The following MELK variants were observed in gnomAD, a reference collection of about 807,000 sequenced individuals.
MELK encodes the protein maternal embryonic leucine zipper kinase, also known as pEg3 kinase.
A neutral mutation model predicts 85.0 loss-of-function variants in MELK; 81 were observed. The observed-to-expected ratio is 0.95, with a 90% CI of 0.80 to 1.15. MELK has a LOEUF of 1.15. MELK is among the 50% of genes most tolerant of loss of function. The pLI is 0.00. For synonymous variants in MELK, 252 were observed against 265.0 expected (o/e 0.95, Z 0.48); for missense variants, 754 against 777.5 (o/e 0.97, Z 0.36).
intron 15 of MELK, 63 bp downstream of exon 15, chr9:36,669,469 G>T (rs1280473522): frequency 8.7e-7 from 1 of 1,155,468 alleles, no homozygotes; most frequent in Non-Finnish European, 1.2e-6. Flanking sequence ...CCTTTTTCAT[G>T]TATTAATAGA....
intron 3 of MELK, among the ~76,000 whole-genome samples, chr9:36,585,945 T>C (rs1180062322): frequency 6.6e-6 from 1 of 151,218 alleles, no homozygotes; most frequent in African/African-American, 2.4e-5. Context: ...CTAAAAAAAG[T>C]TTTTTTTTGA....
chr9:36,644,105 C>T (rs1422682862), intron 11 of MELK, among the ~76,000 whole-genome samples: 1 of 152,120 alleles, frequency 6.6e-6, no homozygotes. Context: ...CGTCACGTCA[C>T]CCCTAAGTGG....
chr9:36,581,035 G>A (rs1822186226), intron 1 of MELK, among the ~76,000 whole-genome samples: 1 of 152,060 alleles, frequency 6.6e-6, no homozygotes. Context: ...GCTGAGAAAA[G>A]TTTTTTGTAT....
Position 36,665,560 on chromosome 9 carries a change from C to T in MELK, c.1387C>T (p.Arg463Cys), listed in dbSNP as rs554033223. The change falls in exon 14 of 18, where the codon CGT (arginine) becomes TGT (cysteine). Residue 463 changes from arginine to cysteine, a missense_variant. Physicochemically the swap from Arg to Cys is radical, Grantham distance 180. Coordinates refer to ENST00000298048, the MANE Select transcript of MELK (RefSeq NM_014791.4). ...GAGAGAAATACTCACTACGCCAAAT[C>T]GTTACACTACACCCTCAAAAGGTAT... ...HKREILTTPN[R>C]YTTPSKARNQ... is the part of the protein sequence containing the mutation. The T allele has an allele frequency of 3.3e-5, 54 of 1,612,278 alleles. No homozygotes were observed. The South Asian group carries it at 4.1e-4, about 12-fold the overall frequency.
At chr9:36,669,508 T>A in intron 15 of MELK, 102 bp downstream of exon 15, 1 of 824,508 alleles carries the variant, frequency 1.2e-6, no homozygotes, top group Non-Finnish European at 1.8e-6. Flanking sequence ...TCACATAGAT[T>A]CTGTTGGAGA....
intron 7 of MELK, among the ~76,000 whole-genome samples, chr9:36,604,981 T>A: frequency 6.6e-6 from 1 of 150,376 alleles, no homozygotes; most frequent in Non-Finnish European, 1.5e-5. Context: ...GAAGTCTTGC[T>A]CTTGTCCCCC....
At chr9:36,576,893 G>A (rs116776755) in intron 1 of MELK, among the ~76,000 whole-genome samples, 2,010 of 152,268 alleles carry the variant, frequency 0.013, 45 homozygotes, top group African/African-American at 0.045. Context: ...CATGGAATCA[G>A]TGTTTCAGGC....
intron 8 of MELK, among the ~76,000 whole-genome samples, chr9:36,611,587 A>G (rs1335194323): frequency 6.6e-6 from 1 of 152,108 alleles, no homozygotes; most frequent in African/African-American, 2.4e-5. Flanking sequence ...CAGAAGCTTC[A>G]GAATCTCTAC....
intron 12 of MELK, among the ~76,000 whole-genome samples, chr9:36,656,161 T>A (rs10481588): frequency 0.018 from 2,731 of 152,228 alleles, 86 homozygotes; most frequent in African/African-American, 0.062. Context: ...AAATGTCCTA[T>A]CCCTAGGAGA....
At chr9:36,673,412 A>ATATTT (rs929074602) in intron 16 of MELK, among the ~76,000 whole-genome samples, 23 of 152,232 alleles carry the variant, frequency 1.5e-4, no homozygotes, top group African/African-American at 3.6e-4. Context: ...AAACTTGCAC[A>ATATTT]TATTTTATTT....
chr9:36,606,712 G>T (rs1051287763), intron 7 of MELK: 3 of 146,890 alleles, frequency 2.0e-5, no homozygotes, highest in Middle Eastern at 3.7e-3. Context: ...TGTATATATG[G>T]ACATGCATGC....
At chr9:36,650,285 CAAA>C (rs1270614804) in intron 11 of MELK, among the ~76,000 whole-genome samples, 17 of 151,480 alleles carry the variant, frequency 1.1e-4, no homozygotes, top group Non-Finnish European at 1.9e-4. Context: ...AGATTAAAAA[CAAA>C]AAAGAGAAAT....
chr9:36,651,790 C>T lies in MELK; in HGVS notation c.966C>T (p.Ala322=). ...HLTATYLLLL[A]KKARGKPVRL... ...CGGCTACCTATCTTCTGCTTCTAGC[C>T]AAGAAGGCTCGGGGAAAACCAGTTC... Residue 322 remains alanine (A), a synonymous_variant, in exon 12 of 18, where the codon GCC becomes GCT. Transcript: ENST00000298048. 1 of 1,614,038 alleles carries T rather than the reference C, an allele frequency of 6.2e-7. No individual in the cohort carries two copies. The highest frequency in any genetic ancestry group is 2.2e-5 in the East Asian group (1 of 44,882).
chr9:36,630,650 G>GA (rs1828471086), intron 9 of MELK, among the ~76,000 whole-genome samples: 2 of 152,110 alleles, frequency 1.3e-5, no homozygotes, highest in African/African-American at 4.8e-5. Flanking sequence ...ATTATTGATT[G>GA]ATTGATTGAT....
At chr9:36,573,986 G>A (rs1161504123) in intron 1 of MELK, among the ~76,000 whole-genome samples, 1 of 152,184 alleles carries the variant, frequency 6.6e-6, no homozygotes, top group Non-Finnish European at 1.5e-5. Context: ...TTTCTCCTTT[G>A]TTAGTGGAAT....
intron 8 of MELK, among the ~76,000 whole-genome samples, chr9:36,617,458 G>C (rs563434129): frequency 1.3e-3 from 199 of 151,782 alleles, no homozygotes; most frequent in African/African-American, 4.2e-3. Context: ...TCAGCCTCCT[G>C]AGTAGCTGGA....
rs569851218 is a variant in MELK, at chr9:36,652,340, C to T, written c.1053+463C>T. On this transcript the variant is annotated intron_variant, in intron 12 of 17. Coordinates refer to ENST00000298048, the MANE Select transcript of MELK (RefSeq NM_014791.4). ...GGGATTATAGGCATGAGCCACCGTG[C>T]CCGGCCTCTAAAATTCTGAATGTTA... Among the ~76,000 whole-genome samples, 8 of 151,620 alleles carry T rather than the reference C, an allele frequency of 5.3e-5. No individual in the cohort carries two copies. The South Asian group carries it at 1.7e-3, about 32-fold the overall frequency.
At chr9:36,634,575 G>T (rs1284709914) in intron 10 of MELK, among the ~76,000 whole-genome samples, 2 of 152,000 alleles carry the variant, frequency 1.3e-5, no homozygotes, top group African/African-American at 4.8e-5. Context: ...AGCTGGCATG[G>T]TAGTGCCTAT....
chr9:36,655,453 G>GGA (rs66684364), intron 12 of MELK, among the ~76,000 whole-genome samples: 3,049 of 147,774 alleles, frequency 0.021, 87 homozygotes, highest in South Asian at 0.066. Context: ...TCAAGTAGGG[G>GGA]GAGAGAGAGA....
Sources: gnomAD v4.1 joint callset for allele counts (sites outside exome capture counted in the v4.1 genomes callset) on GRCh38, gnomAD v4.1.1 for gene constraint, MANE v1.5 for transcripts, NCBI Gene and HGNC (gene_info 2026-07-23, HGNC 2026-07-21) for gene names.